TBC1D9: variants seen among roughly 807,000 people sequenced by gnomAD.
TBC1D9 encodes TBC1 domain family member 9A.
TBC1D9 carries 63 observed loss-of-function variants against 132.0 expected under a neutral mutation model. The ratio of observed to expected loss-of-function variants is 0.48; its 90% CI spans 0.39 to 0.59. The LOEUF (loss-of-function observed/expected upper bound fraction) is 0.59, where lower values mean the gene tolerates loss of function less well. TBC1D9 is among the 20% of genes least tolerant of loss of function. The pLI is 0.00. For synonymous variants in TBC1D9, 610 were observed against 609.9 expected, an observed-to-expected ratio of 1.00 and a Z score of 0.00; for missense variants, 1,261 against 1,592.7, an observed-to-expected ratio of 0.79 and a Z score of 3.54.
intron 1 of TBC1D9, among the ~76,000 whole-genome samples, chr4:140,715,107 G>A (rs1172082507): frequency 6.6e-6 from 1 of 152,182 alleles, no homozygotes; most frequent in Non-Finnish European, 1.5e-5. Context: ...CTGGGTGACA[G>A]AGTGAGACCC....
intron 1 of TBC1D9, among the ~76,000 whole-genome samples, chr4:140,721,788 A>G (rs2111058798): frequency 6.6e-6 from 1 of 152,310 alleles, no homozygotes; most frequent in South Asian, 2.1e-4. Context: ...TAATAACAGG[A>G]TCATTTTGAC....
chr4:140,652,918 T>C lies in TBC1D9; in HGVS notation c.2337+4179A>G, dbSNP rs142101315. Among the ~76,000 whole-genome samples the C allele has an allele frequency of 3.3e-5, 5 of 152,358 alleles. No homozygotes were observed. The East Asian group carries it at 9.6e-4, about 29-fold the overall frequency. ...ACTAAACACACTGGGCTGGGTCATC[T>C]CGAACATGAAGCAGCTCTGTGATAG... On this transcript the variant is annotated intron_variant, in intron 13 of 20. Coordinates refer to ENST00000442267, the MANE Select transcript of TBC1D9 (RefSeq NM_015130.3).
At chr4:140,729,979 T>C (rs1738562785) in intron 1 of TBC1D9, among the ~76,000 whole-genome samples, 1 of 152,132 alleles carries the variant, frequency 6.6e-6, no homozygotes, top group Non-Finnish European at 1.5e-5. Flanking sequence ...AGGTATTTTG[T>C]TGTGGCTTCT....
intron 7 of TBC1D9, among the ~76,000 whole-genome samples, chr4:140,670,295 G>T (rs1737515490): frequency 6.6e-6 from 1 of 152,112 alleles, no homozygotes; most frequent in African/African-American, 2.4e-5. Context: ...ATCTTTTCAG[G>T]CCTCCAGTGT....
Position 140,662,125 on chromosome 4 carries a change from G to T in TBC1D9, c.1589-18C>A. The T allele has an allele frequency of 6.3e-7, 1 of 1,598,368 alleles. No individual in the cohort carries two copies. Among genetic ancestry groups the T allele is most frequent in the Non-Finnish European group, 8.6e-7 (1 of 1,165,682 alleles). ...GATGGCACCTGAGATATATCCAACA[G>T]ATACAGTATCAAAAACGTGAGAGCT... On this transcript the variant is annotated intron_variant, in intron 9 of 20. Coordinates refer to ENST00000442267, the MANE Select transcript of TBC1D9 (RefSeq NM_015130.3).
At chr4:140,713,075 A>G (rs985902539) in intron 1 of TBC1D9, among the ~76,000 whole-genome samples, 2 of 152,174 alleles carry the variant, frequency 1.3e-5, no homozygotes, top group African/African-American at 2.4e-5. Context: ...CTTTTAATCT[A>G]TAACTAAGGT....
chr4:140,658,005 C>T (rs542315234), intron 11 of TBC1D9, among the ~76,000 whole-genome samples, 193 bp from the exon 12 acceptor site: 25 of 152,212 alleles, frequency 1.6e-4, no homozygotes, highest in Non-Finnish European at 2.9e-4. Flanking sequence ...TCTTCTCTTT[C>T]TGGGCTCTTC....
intron 13 of TBC1D9, among the ~76,000 whole-genome samples, chr4:140,651,212 T>C (rs1266095263): frequency 6.6e-6 from 1 of 152,232 alleles, no homozygotes; most frequent in Non-Finnish European, 1.5e-5. Flanking sequence ...CTCATGCCTA[T>C]AATCCCAGCA....
At chr4:140,637,146 T>C (rs1736893623) in intron 15 of TBC1D9, among the ~76,000 whole-genome samples, 1 of 152,074 alleles carries the variant, frequency 6.6e-6, no homozygotes, top group Non-Finnish European at 1.5e-5. Context: ...GGTCAGGAGT[T>C]CGAGACCAGC....
chr4:140,693,951 T>G (rs769017603), intron 2 of TBC1D9, among the ~76,000 whole-genome samples: 26 of 152,236 alleles, frequency 1.7e-4, no homozygotes, highest in Non-Finnish European at 2.1e-4. Context: ...GAATCAGTAG[T>G]TAACATCCTT....
intron 1 of TBC1D9, among the ~76,000 whole-genome samples, chr4:140,711,715 T>G (rs1041418272): frequency 2.6e-5 from 4 of 152,216 alleles, no homozygotes; most frequent in Non-Finnish European, 5.9e-5. Context: ...TACCTTCAAG[T>G]AATTATTTCA....
chr4:140,755,191 A>T (rs1263833980), intron 1 of TBC1D9, among the ~76,000 whole-genome samples: 1 of 152,210 alleles, frequency 6.6e-6, no homozygotes, highest in Non-Finnish European at 1.5e-5. Context: ...ATATGGCACT[A>T]CTTTGGATAT....
chr4:140,624,102 CT>C lies in TBC1D9; in HGVS notation c.3078+13del. The C allele has an allele frequency of 6.3e-7, 1 of 1,584,910 alleles. No individual in the cohort carries two copies. The highest frequency in any genetic ancestry group is 2.2e-5 in the East Asian group (1 of 44,532). On this transcript the variant is annotated intron_variant, in intron 20 of 20. Coordinates refer to ENST00000442267, the MANE Select transcript of TBC1D9 (RefSeq NM_015130.3). ...CCAGGTTTGAAGCGAATGATTTGAA[CT>C]TTAAGCACTTACCTGATTTAATTTG...
At chr4:140,740,412 A>G (rs945092995) in intron 1 of TBC1D9, among the ~76,000 whole-genome samples, 44 of 152,204 alleles carry the variant, frequency 2.9e-4, no homozygotes, top group Non-Finnish European at 3.5e-4. Context: ...GTAATACCCA[A>G]TTACAATCTC....
At chr4:140,678,901 C>T (rs771092010) in intron 5 of TBC1D9, 41 bp downstream of exon 5, 2 of 1,593,884 alleles carry the variant, frequency 1.3e-6, no homozygotes, top group African/African-American at 1.3e-5. Context: ...GTGAGTTTCT[C>T]ATTTCTAAAG....
intron 1 of TBC1D9, among the ~76,000 whole-genome samples, chr4:140,727,568 G>T (rs1030262527): frequency 3.3e-5 from 5 of 152,206 alleles, no homozygotes; most frequent in Non-Finnish European, 7.3e-5. Flanking sequence ...GCATTTGAAA[G>T]CCTCTCATTA....
At chr4:140,754,543 A>G (rs371163519) in intron 1 of TBC1D9, among the ~76,000 whole-genome samples, 1 of 142,258 alleles carries the variant, frequency 7.0e-6, no homozygotes, top group African/African-American at 2.6e-5. Flanking sequence ...TGAACCCAGG[A>G]GAAGGAGGTT....
chr4:140,717,855 T>C (rs977065386), intron 1 of TBC1D9, among the ~76,000 whole-genome samples: 1 of 152,150 alleles, frequency 6.6e-6, no homozygotes, highest in Non-Finnish European at 1.5e-5. Context: ...CTTATTTCTT[T>C]AAGTCTACAG....
At chr4:140,731,664 C>CACAT in intron 1 of TBC1D9, among the ~76,000 whole-genome samples, 1 of 132,014 alleles carries the variant, frequency 7.6e-6, no homozygotes, top group East Asian at 2.2e-4. Flanking sequence ...AGTTTTAAAA[C>CACAT]ACATACACAC....
Sources: gnomAD v4.1 joint callset for allele counts (sites outside exome capture counted in the v4.1 genomes callset) on GRCh38, gnomAD v4.1.1 for gene constraint, MANE v1.5 for transcripts, NCBI Gene and HGNC (gene_info 2026-07-23, HGNC 2026-07-21) for gene names.